The following RIMBP2 variants were observed in gnomAD, a reference collection of about 807,000 sequenced individuals.
RIMBP2 encodes RIMS binding protein 2.
In RIMBP2, 48 loss-of-function variants were observed where a neutral mutation model predicts 118.6. That is an observed-to-expected ratio of 0.40 (90% confidence interval 0.32 to 0.51). The LOEUF (loss-of-function observed/expected upper bound fraction) is 0.51. Ranked by LOEUF, RIMBP2 falls within the 20% of genes least tolerant of loss-of-function variation. The pLI, the probability that RIMBP2 is intolerant of heterozygous loss-of-function variation, is 0.41. For synonymous variants in RIMBP2, 762 were observed against 742.9 expected, an observed-to-expected ratio of 1.03 and a Z score of -0.42; for missense variants, 1,551 against 1,768.3, an observed-to-expected ratio of 0.88 and a Z score of 2.20.
intron 4 of RIMBP2, among the ~76,000 whole-genome samples, chr12:130,504,720 G>A (rs2050139605): frequency 6.6e-6 from 1 of 152,112 alleles, no homozygotes; most frequent in Non-Finnish European, 1.5e-5. Context: ...ACTTGCTACA[G>A]CAGCGATAAG....
intron 2 of RIMBP2, among the ~76,000 whole-genome samples, chr12:130,539,572 C>G: frequency 7.1e-6 from 1 of 140,344 alleles, no homozygotes; most frequent in Admixed American, 7.1e-5. Context: ...CAAATGCAGT[C>G]GATGGGGTGG....
chr12:130,543,234 T>G (rs965267756), intron 2 of RIMBP2, among the ~76,000 whole-genome samples: 3 of 152,248 alleles, frequency 2.0e-5, no homozygotes, highest in Non-Finnish European at 4.4e-5. Context: ...TTTAAACTAT[T>G]GATTTTATAG....
intron 1 of RIMBP2, among the ~76,000 whole-genome samples, chr12:130,650,890 G>A (rs900099248): frequency 6.7e-6 from 1 of 148,350 alleles, no homozygotes; most frequent in Admixed American, 6.8e-5. Flanking sequence ...GCTGACCTTG[G>A]AGGAAAATAT....
At chr12:130,481,803 T>A (rs2082031356) in intron 4 of RIMBP2, among the ~76,000 whole-genome samples, 1 of 152,142 alleles carries the variant, frequency 6.6e-6, no homozygotes, top group Non-Finnish European at 1.5e-5. Context: ...GGGTATTTGC[T>A]GCACAGCCCT....
At chr12:130,506,574 T>G (rs1212895110) in intron 4 of RIMBP2, 74 bp downstream of exon 4, 1 of 970,764 alleles carries the variant, frequency 1.0e-6, no homozygotes, top group Non-Finnish European at 1.2e-6. Context: ...CTGCTCGGGG[T>G]CCTGCAGCCC....
chr12:130,478,101 G>C (rs981635859), intron 5 of RIMBP2, among the ~76,000 whole-genome samples: 11 of 152,202 alleles, frequency 7.2e-5, no homozygotes, highest in Non-Finnish European at 1.3e-4. Flanking sequence ...GGACTGGAGT[G>C]GGGTGAGGTT....
chr12:130,492,451 G>A (rs2048731792), intron 4 of RIMBP2, among the ~76,000 whole-genome samples: 1 of 152,198 alleles, frequency 6.6e-6, no homozygotes, highest in Non-Finnish European at 1.5e-5. Flanking sequence ...AAAAAAGAGA[G>A]AGAGAGAGAG....
In RIMBP2 at chr12:130,688,316, TA is replaced by T. The variant is rs1293363748; in HGVS notation, c.-352+27905del. 1.3e-5 allele frequency among the ~76,000 whole-genome samples: 2 copies of T among 152,148 alleles called. No individual in the cohort carries two copies. Among genetic ancestry groups the T allele is most frequent in the Non-Finnish European group, 2.9e-5 (2 of 68,024 alleles). ...CTGAACTCCTCACCTCCAGCCTTTC[TA>T]GCCTCACTAGCCTCCCAAGCTTGCT... is the stretch of plus-strand genomic sequence containing the variant. On this transcript the variant is annotated intron_variant, in intron 1 of 22. Coordinates refer to ENST00000690449, the MANE Select transcript of RIMBP2 (RefSeq NM_001393629.1). This position sits in a 1 kb window ranked among gnomAD's most constrained non-coding sequence, Gnocchi z 4.7.
At chr12:130,563,998 CCTCCCTGCTG>C (rs2057018156) in intron 2 of RIMBP2, among the ~76,000 whole-genome samples, 1 of 151,794 alleles carries the variant, frequency 6.6e-6, no homozygotes, top group Non-Finnish European at 1.5e-5. Flanking sequence ...ACCACACCAG[CCTCCCTGCTG>C]TTCCTATACA....
intron 2 of RIMBP2, among the ~76,000 whole-genome samples, chr12:130,598,028 T>C (rs535165255): frequency 1.3e-5 from 2 of 152,296 alleles, no homozygotes; most frequent in Admixed American, 6.5e-5. Flanking sequence ...AACTATTAAA[T>C]GAATTTGGCA....
chr12:130,480,368 T>A (rs2138134084), intron 4 of RIMBP2, among the ~76,000 whole-genome samples: 1 of 152,212 alleles, frequency 6.6e-6, no homozygotes, highest in South Asian at 2.1e-4. Context: ...GAGCTGCCCC[T>A]TCCGATGGCA....
intron 2 of RIMBP2, among the ~76,000 whole-genome samples, chr12:130,534,263 A>AGGGGGG (rs2053786424): frequency 8.1e-5 from 1 of 12,392 alleles, no homozygotes; most frequent in African/African-American, 3.3e-4. Flanking sequence ...GGGGAGTGGA[A>AGGGGGG]GGGGGTGGGA....
Position 130,493,781 on chromosome 12 carries a change from T to G in RIMBP2, c.-4+12867A>C, listed in dbSNP as rs140911224. ...TTCTTACATGCTCCATCTATATACC[T>G]GAAACCCCATCACAGTGTTCTACAT... On this transcript the variant is annotated intron_variant, in intron 4 of 22. Coordinates refer to ENST00000690449, the MANE Select transcript of RIMBP2 (RefSeq NM_001393629.1). 3.0e-4 allele frequency among the ~76,000 whole-genome samples: 45 copies of G among 152,336 alleles called. 1 individual carries two copies. Among genetic ancestry groups the G allele is most frequent in the Admixed American group, 7.8e-4 (12 of 15,306 alleles).
At chr12:130,474,453 G>A (rs906643294) in intron 5 of RIMBP2, among the ~76,000 whole-genome samples, 7 of 152,206 alleles carry the variant, frequency 4.6e-5, no homozygotes, top group Non-Finnish European at 1.0e-4. Context: ...GGTGTCAGGC[G>A]ATGTCCTACG....
intron 4 of RIMBP2, among the ~76,000 whole-genome samples, chr12:130,502,389 G>A (rs112934033): frequency 2.2e-3 from 329 of 152,204 alleles, no homozygotes; most frequent in African/African-American, 7.5e-3. Flanking sequence ...TAAGACTCTG[G>A]CCAATTTATT....
At chr12:130,570,619 C>T (rs544764816) in intron 2 of RIMBP2, among the ~76,000 whole-genome samples, 5 of 152,198 alleles carry the variant, frequency 3.3e-5, no homozygotes, top group South Asian at 2.1e-4. Context: ...TGGCTGTGGA[C>T]GAGTCGTCTA....
In RIMBP2 at chr12:130,688,204, C is replaced by G. The variant is rs368018480; in HGVS notation, c.-352+28018G>C. ...TGCTGCTTGGCTTTGTGAACAGTTGCGTGGTGGCTTCTCAGCGGCCTTGGT... is the reference window on the plus strand; with the variant it reads ...TGCTGCTTGGCTTTGTGAACAGTTGGGTGGTGGCTTCTCAGCGGCCTTGGT... On this transcript the variant is annotated intron_variant, in intron 1 of 22. Transcript: ENST00000690449. This position sits in a 1 kb window ranked among gnomAD's most constrained non-coding sequence, Gnocchi z 4.7. Among the ~76,000 whole-genome samples, 38 of 152,274 alleles carry G rather than the reference C, an allele frequency of 2.5e-4. No individual in the cohort carries two copies. The South Asian group carries it at 3.1e-3, about 12-fold the overall frequency.
At chr12:130,667,741 G>A (rs942017324) in intron 1 of RIMBP2, 4 of 152,244 alleles carry the variant, frequency 2.6e-5, no homozygotes, top group Admixed American at 2.6e-4. Flanking sequence ...GGGGGCTGGA[G>A]CTGGAGTTTG....
rs78520892 is a variant in RIMBP2, at chr12:130,579,138, C to T, written c.-217+49184G>A. Among the ~76,000 whole-genome samples the T allele has an allele frequency of 5.5e-4, 84 of 152,260 alleles. 1 individual carries two copies. In the East Asian group the frequency reaches 0.015, roughly 27 times the overall value. ...GGTGCAGAAAAGAGCTCACACGGCACGTCTGAGCCCCGCTTTTGAGGAAGG... is the reference window on the plus strand; with the variant it reads ...GGTGCAGAAAAGAGCTCACACGGCATGTCTGAGCCCCGCTTTTGAGGAAGG... On this transcript the variant is annotated intron_variant, in intron 2 of 22. Transcript: ENST00000690449.
Sources: allele counts gnomAD v4.1 joint callset (sites outside exome capture counted in the v4.1 genomes callset), GRCh38; gene constraint gnomAD v4.1.1; non-coding constraint Gnocchi (gnomAD v3.1); transcripts MANE v1.5; gene names NCBI Gene and HGNC (gene_info 2026-07-23, HGNC 2026-07-21).